FMN2: variants seen among roughly 807,000 people sequenced by gnomAD.
The protein encoded by FMN2 is formin-2.
Under a neutral mutation model 142.3 loss-of-function variants are expected in FMN2, and 51 were observed. That is an observed-to-expected ratio of 0.36 (90% CI 0.29 to 0.45). The LOEUF is 0.45. Ranked by LOEUF, FMN2 falls within the 20% of genes least tolerant of loss-of-function variation. The probability of loss-of-function intolerance (pLI) is 1.00; values close to 1 mark genes in which losing one functional copy is unlikely to be tolerated. For missense variants in FMN2, 1,936 were observed against 2,122.8 expected (o/e 0.91, Z 1.73); for synonymous variants, 882 against 869.8 (o/e 1.01, Z -0.25).
At chr1:240,344,926 G>A (rs1427266868) in intron 13 of FMN2, among the ~76,000 whole-genome samples, 1 of 152,186 alleles carries the variant, frequency 6.6e-6, no homozygotes, top group African/African-American at 2.4e-5. Flanking sequence ...AAAGCCATGA[G>A]ATTCTGTTTC....
At chr1:240,265,076 G>A (rs550614485) in intron 7 of FMN2, among the ~76,000 whole-genome samples, 25 of 152,120 alleles carry the variant, frequency 1.6e-4, no homozygotes, top group Non-Finnish European at 3.2e-4. Context: ...ACTGAATGAA[G>A]CATGTGTTAC....
intron 15 of FMN2, among the ~76,000 whole-genome samples, chr1:240,421,871 G>A (rs1233348035): frequency 6.6e-6 from 1 of 151,930 alleles, no homozygotes; most frequent in African/African-American, 2.4e-5. Context: ...GCCTGTGGTG[G>A]GGGTGGGGGA....
intron 15 of FMN2, among the ~76,000 whole-genome samples, chr1:240,420,803 C>T (rs1674736187): frequency 6.6e-6 from 1 of 152,274 alleles, no homozygotes; most frequent in Non-Finnish European, 1.5e-5. Flanking sequence ...GAGAACCTGT[C>T]CCAGAACTCC....
At chr1:240,420,239 C>G (rs2103140690) in intron 15 of FMN2, among the ~76,000 whole-genome samples, 1 of 152,258 alleles carries the variant, frequency 6.6e-6, no homozygotes, top group Non-Finnish European at 1.5e-5. Context: ...TAATCCTTTG[C>G]TCAGTTTTTC....
rs1666375656 is a variant in FMN2 at position 240,206,976 on chromosome 1, T to C, written c.2164T>C (p.Cys722Arg). Residue 722 changes from cysteine (C) to arginine (R), a missense_variant, in exon 5 of 18, where the codon TGT (cysteine) becomes CGT (arginine). By Grantham distance (180) the Cys-to-Arg change is radical. Coordinates refer to ENST00000319653, the MANE Select transcript of FMN2 (RefSeq NM_020066.5). ...TGGAGTGACAGCCTCAGGCGATGTC[T>C]GTCTCGAAGCTCTCAGGTTAGAAGA... ...ENGVTASGDV[C>R]LEALRLEEKE... 1 of 1,614,040 alleles carries C rather than the reference T, an allele frequency of 6.2e-7. No homozygotes were observed. Among genetic ancestry groups the C allele is most frequent in the African/African-American group, 1.3e-5 (1 of 74,930 alleles).
chr1:240,385,367 C>G (rs115781536), intron 14 of FMN2, among the ~76,000 whole-genome samples: 1 of 152,022 alleles, frequency 6.6e-6, no homozygotes, highest in African/African-American at 2.4e-5. Context: ...AGTATGTATG[C>G]TTCATTTATA....
At chr1:240,328,559 T>TTTTA (rs200121171) in intron 8 of FMN2, among the ~76,000 whole-genome samples, 2,431 of 140,384 alleles carry the variant, frequency 0.017, 45 homozygotes, top group African/African-American at 0.045. Flanking sequence ...TTACACTTTA[T>TTTTA]TTTATTTATT....
At chr1:240,427,405 C>A (rs1322515916) in intron 15 of FMN2, among the ~76,000 whole-genome samples, 1 of 151,842 alleles carries the variant, frequency 6.6e-6, no homozygotes, top group Admixed American at 6.6e-5. Context: ...CGGGGTTTCA[C>A]CGTGTTAGCC....
chr1:240,443,944 C>T (rs1024912640), intron 16 of FMN2, among the ~76,000 whole-genome samples: 2 of 152,034 alleles, frequency 1.3e-5, no homozygotes, highest in African/African-American at 4.8e-5. Flanking sequence ...TAATGAGGCT[C>T]TGTGGAGCTA....
At chr1:240,301,370 A>G (rs796659772) in intron 8 of FMN2, among the ~76,000 whole-genome samples, 26 of 151,764 alleles carry the variant, frequency 1.7e-4, no homozygotes, top group African/African-American at 6.3e-4. Context: ...TAGCATCTGT[A>G]TGTGATTGTA....
intron 16 of FMN2, among the ~76,000 whole-genome samples, chr1:240,451,444 A>T (rs1190432434): frequency 6.6e-6 from 1 of 152,066 alleles, no homozygotes; most frequent in Non-Finnish European, 1.5e-5. Context: ...GCAGAATAGA[A>T]CCAGCGTCAT....
At chr1:240,209,846 G>C (rs1384841964) in intron 5 of FMN2, among the ~76,000 whole-genome samples, 3 of 151,896 alleles carry the variant, frequency 2.0e-5, no homozygotes, top group Non-Finnish European at 4.4e-5. Context: ...GGAGCTTGCA[G>C]TGAGCCGAGA....
At chr1:240,271,373 G>A (rs941118315) in intron 7 of FMN2, among the ~76,000 whole-genome samples, 3 of 149,304 alleles carry the variant, frequency 2.0e-5, no homozygotes, top group Admixed American at 1.3e-4. Context: ...ATTAGGCTCA[G>A]TGTGAGCAAT....
intron 11 of FMN2, 60 bp from the exon 12 acceptor site, chr1:240,333,827 A>T (rs528488903): frequency 2.4e-5 from 31 of 1,306,366 alleles, no homozygotes; most frequent in Non-Finnish European, 3.2e-5. Flanking sequence ...TTTTTTGGTA[A>T]CACTTTATAT....
chr1:240,200,776 A>C, intron 4 of FMN2, among the ~76,000 whole-genome samples: 1 of 150,346 alleles, frequency 6.7e-6, no homozygotes, highest in East Asian at 1.9e-4. Context: ...TGTAAGAAGC[A>C]GATAGTTTGT....
In FMN2 at chr1:240,383,887, A is replaced by AT. The variant is rs1237948125; in HGVS notation, c.4859-8624_4859-8623insT. Among the ~76,000 whole-genome samples the AT allele has an allele frequency of 9.0e-3, 1,352 of 150,320 alleles. 19 individuals are homozygous for AT. Among genetic ancestry groups the AT allele is most frequent in the African/African-American group, 0.03 (1,248 of 41,108 alleles). On this transcript the variant is annotated intron_variant, in intron 14 of 17. Transcript: ENST00000319653. ...AACAGATGACTGGAGAAAGAAAAAAAATATATATATATATATTCTTTATAT... is the reference window on the plus strand; with the variant it reads ...AACAGATGACTGGAGAAAGAAAAAAATATATATATATATATATTCTTTATAT...
At chr1:240,323,568 C>T (rs1338880268) in intron 8 of FMN2, among the ~76,000 whole-genome samples, 1 of 152,196 alleles carries the variant, frequency 6.6e-6, no homozygotes, top group Admixed American at 6.6e-5. Context: ...AGTAACCTCA[C>T]TTCCAAATTT....
chr1:240,269,790 T>G (rs965601230), intron 7 of FMN2, among the ~76,000 whole-genome samples: 3 of 151,994 alleles, frequency 2.0e-5, no homozygotes, highest in African/African-American at 7.2e-5. Context: ...CTAAGTATTT[T>G]TTGATGCTAT....
At chr1:240,413,532 G>A (rs1221586577) in intron 15 of FMN2, among the ~76,000 whole-genome samples, 7 of 152,178 alleles carry the variant, frequency 4.6e-5, no homozygotes, top group African/African-American at 1.7e-4. Context: ...AAGGCTAATA[G>A]AGATCCTGAC....
Sources: gnomAD v4.1 joint callset for allele counts (sites outside exome capture counted in the v4.1 genomes callset) on GRCh38, gnomAD v4.1.1 for gene constraint, MANE v1.5 for transcripts, NCBI Gene and HGNC (gene_info 2026-07-23, HGNC 2026-07-21) for gene names.